The following ATG14 variants were observed in gnomAD, a reference collection of about 807,000 sequenced individuals.
ATG14 encodes autophagy related 14.
In ATG14, 35 loss-of-function variants were observed where a neutral mutation model predicts 60.4. That is an observed-to-expected ratio of 0.58 (90% CI 0.44 to 0.77). The LOEUF (loss-of-function observed/expected upper bound fraction) is 0.77, where lower values mean the gene tolerates loss of function less well. Among genes scored for constraint, ATG14 ranks in the 30% least tolerant of loss-of-function variants. The probability of loss-of-function intolerance (pLI) is 0.00; values close to 1 mark genes in which losing one functional copy is unlikely to be tolerated. For missense variants in ATG14, 647 were observed against 626.3 expected (o/e 1.03, Z -0.35); for synonymous variants, 234 against 228.8 (o/e 1.02, Z -0.21).
intron 4 of ATG14, among the ~76,000 whole-genome samples, chr14:55,390,022 GT>G (rs1885187488): frequency 6.6e-6 from 1 of 151,210 alleles, no homozygotes; most frequent in African/African-American, 2.4e-5. Context: ...TGAGTACCAA[GT>G]TAAGACTCTG....
intron 5 of ATG14, among the ~76,000 whole-genome samples, chr14:55,384,607 A>C (rs930195449): frequency 6.6e-6 from 1 of 152,264 alleles, no homozygotes; most frequent in Non-Finnish European, 1.5e-5. Context: ...TAGAGTCAAG[A>C]GAGCAGCTTC....
intron 1 of ATG14, among the ~76,000 whole-genome samples, chr14:55,408,160 A>G (rs1885518206): frequency 6.6e-6 from 1 of 152,184 alleles, no homozygotes; most frequent in South Asian, 2.1e-4. Context: ...GAAGTTAAGA[A>G]ACTTGCTCAG....
chr14:55,374,819 A>G (rs1369003338), intron 9 of ATG14, among the ~76,000 whole-genome samples: 1 of 152,200 alleles, frequency 6.6e-6, no homozygotes, highest in Non-Finnish European at 1.5e-5. Flanking sequence ...TTCCACATAT[A>G]CAAGAGTCTG....
intron 9 of ATG14, among the ~76,000 whole-genome samples, chr14:55,370,343 A>T (rs765100016): frequency 3.4e-4 from 51 of 152,224 alleles, no homozygotes; most frequent in Non-Finnish European, 6.2e-4. Context: ...ATTTAGTGTA[A>T]TAAGTAATAA....
At chr14:55,411,553 T>A (rs1461337453) in intron 1 of ATG14, 49 bp downstream of exon 1, 1 of 1,544,204 alleles carries the variant, frequency 6.5e-7, no homozygotes, top group Non-Finnish European at 8.8e-7. Context: ...GCTGCCTGGC[T>A]GGAGGACACA....
intron 5 of ATG14, among the ~76,000 whole-genome samples, chr14:55,383,250 G>A (rs200532889): frequency 0.058 from 8,771 of 151,974 alleles, 317 homozygotes; most frequent in South Asian, 0.089. Flanking sequence ...GGGAAAAAAA[G>A]AAAGAAAATA....
intron 1 of ATG14, among the ~76,000 whole-genome samples, chr14:55,404,776 A>G (rs750555737): frequency 2.6e-5 from 4 of 152,142 alleles, no homozygotes; most frequent in Non-Finnish European, 5.9e-5. Context: ...TTCTTTTCCG[A>G]TACTGTTATA....
At chr14:55,371,576 G>A (rs889712169) in intron 9 of ATG14, among the ~76,000 whole-genome samples, 1 of 151,950 alleles carries the variant, frequency 6.6e-6, no homozygotes, top group Non-Finnish European at 1.5e-5. Flanking sequence ...GGAGGCTGCG[G>A]CGGGCAGATC....
intron 1 of ATG14, among the ~76,000 whole-genome samples, chr14:55,398,155 G>C (rs112804195): frequency 6.6e-6 from 1 of 152,026 alleles, no homozygotes; most frequent in Non-Finnish European, 1.5e-5. Context: ...GTTTCACTGT[G>C]TTAGCAAGGA....
intron 7 of ATG14, among the ~76,000 whole-genome samples, chr14:55,379,954 A>C (rs192885111): frequency 6.6e-6 from 1 of 152,218 alleles, no homozygotes; most frequent in Non-Finnish European, 1.5e-5. Context: ...AACAACAAAC[A>C]AAAAGAATTC....
At chr14:55,400,621 G>A (rs1226765479) in intron 1 of ATG14, among the ~76,000 whole-genome samples, 1 of 152,120 alleles carries the variant, frequency 6.6e-6, no homozygotes, top group East Asian at 1.9e-4. Context: ...AAAATAAACT[G>A]GGCCGGTGCG....
intron 6 of ATG14, among the ~76,000 whole-genome samples, chr14:55,381,590 T>C (rs1885034861): frequency 6.6e-6 from 1 of 152,238 alleles, no homozygotes; most frequent in East Asian, 1.9e-4. Flanking sequence ...AACACTAATA[T>C]ATACTATCAT....
At chr14:55,371,666 T>C (rs1884820607) in intron 9 of ATG14, among the ~76,000 whole-genome samples, 1 of 152,032 alleles carries the variant, frequency 6.6e-6, no homozygotes, top group Non-Finnish European at 1.5e-5. Context: ...TAGCTGGGTG[T>C]GATGGCGGGC....
chr14:55,399,821 T>G (rs903507628), intron 1 of ATG14, among the ~76,000 whole-genome samples: 14 of 152,208 alleles, frequency 9.2e-5, no homozygotes, highest in African/African-American at 3.4e-4. Context: ...AGGTCTGTTG[T>G]AAAAATGCCA....
At chr14:55,387,019 T>G (rs1234381686) in intron 4 of ATG14, among the ~76,000 whole-genome samples, 1 of 152,222 alleles carries the variant, frequency 6.6e-6, no homozygotes, top group Non-Finnish European at 1.5e-5. Context: ...AGTCCAAGTC[T>G]GTCTATCTAG....
At chr14:55,379,816 G>C (rs1312308911) in intron 7 of ATG14, among the ~76,000 whole-genome samples, 1 of 152,156 alleles carries the variant, frequency 6.6e-6, no homozygotes, top group Admixed American at 6.5e-5. Context: ...TCCAGCTCCC[G>C]GATTCAAGCG....
At chr14:55,409,343 C>T (rs1047832096) in intron 1 of ATG14, among the ~76,000 whole-genome samples, 4 of 152,094 alleles carry the variant, frequency 2.6e-5, no homozygotes, top group African/African-American at 9.7e-5. Flanking sequence ...TATTGAGTTT[C>T]TACTATGTGA....
rs376731037 is a variant in ATG14, at chr14:55,379,531, T to C, written c.995+1042A>G. 1.6e-3 allele frequency among the ~76,000 whole-genome samples: 236 copies of C among 151,976 alleles called. 2 individuals carry two copies. Among genetic ancestry groups the C allele is most frequent in the African/African-American group, 5.4e-3 (224 of 41,420 alleles). On this transcript the variant is annotated intron_variant, in intron 7 of 9. Coordinates refer to ENST00000247178, the MANE Select transcript of ATG14 (RefSeq NM_014924.5). The stretch of plus-strand genomic sequence containing the variant: ...CTGCACTCCAGCCTGGACGACAGAG[T>C]GAGACCCTGTCTTAAGAAAAAGAAG...
intron 9 of ATG14, among the ~76,000 whole-genome samples, chr14:55,377,461 TTATAAAG>T (rs773199858): frequency 3.3e-5 from 5 of 152,078 alleles, no homozygotes; most frequent in Non-Finnish European, 5.9e-5. Flanking sequence ...TCACAGCTTT[TTATAAAG>T]GGGTCTATGT....
Sources: gnomAD v4.1 joint callset for allele counts (sites outside exome capture counted in the v4.1 genomes callset) on GRCh38, gnomAD v4.1.1 for gene constraint, MANE v1.5 for transcripts, NCBI Gene and HGNC (gene_info 2026-07-23, HGNC 2026-07-21) for gene names.